The following SHANK2 variants were observed in gnomAD, a reference collection of about 807,000 sequenced individuals.
SHANK2 encodes SH3 and multiple ankyrin repeat domains protein 2.
In SHANK2, 43 loss-of-function variants were observed where a neutral mutation model predicts 133.7. That is an observed-to-expected ratio of 0.32 (90% CI 0.25 to 0.41). The LOEUF (loss-of-function observed/expected upper bound fraction) is 0.41. Ranked by LOEUF, SHANK2 falls within the 10% of genes least tolerant of loss-of-function variation. The pLI is 1.00. For missense variants in SHANK2, 1,994 were observed against 2,235.8 expected (o/e 0.89, Z 2.18); for synonymous variants, 1,017 against 952.8 (o/e 1.07, Z -1.24).
Position 70,487,316 on chromosome 11 carries a change from C to T in SHANK2, c.2977G>A (p.Gly993Arg). 1 of 1,614,196 alleles carries T rather than the reference C, an allele frequency of 6.2e-7. No homozygotes were observed. Among genetic ancestry groups the T allele is most frequent in the Middle Eastern group, 1.6e-4 (1 of 6,062 alleles). The part of the protein sequence containing the change: ...QMPENPYSEV[G>R]KIASKAVYVP... Reference sequence around the variant, plus strand: ...TAGACGGCTTTGCTGGCGATCTTCCCCACCTCTGAGTATGGGTTTTCTGGC... The same window carrying T: ...TAGACGGCTTTGCTGGCGATCTTCCTCACCTCTGAGTATGGGTTTTCTGGC... The change falls in exon 25 of 26, where the codon GGG (glycine) becomes AGG (arginine). Residue 993 changes from glycine to arginine, a missense_variant. Physicochemically the swap from Gly to Arg is moderately radical, Grantham distance 125. Coordinates refer to ENST00000601538, the MANE Select transcript of SHANK2 (RefSeq NM_012309.5). This position sits in a 1 kb window ranked among gnomAD's most constrained non-coding sequence, Gnocchi z 5.8.
intron 9 of SHANK2, among the ~76,000 whole-genome samples, chr11:71,066,692 C>T (rs1322554686): frequency 2.0e-5 from 3 of 152,146 alleles, no homozygotes; most frequent in Non-Finnish European, 4.4e-5. Flanking sequence ...TCAGGTTAAG[C>T]TATCTTTTGA....
intron 14 of SHANK2, among the ~76,000 whole-genome samples, chr11:70,704,980 C>T (rs1945628012): frequency 6.6e-6 from 1 of 152,190 alleles, no homozygotes; most frequent in Non-Finnish European, 1.5e-5. Flanking sequence ...GCAAGACCCC[C>T]ACCCACCAGC....
At chr11:70,649,816 G>C (rs1337131726) in intron 17 of SHANK2, among the ~76,000 whole-genome samples, 3 of 152,230 alleles carry the variant, frequency 2.0e-5, no homozygotes, top group Non-Finnish European at 4.4e-5. Flanking sequence ...TGGCTGTTAA[G>C]ATTACATCCC....
At chr11:70,723,319 C>CTCTCTCTCT (rs1946108300) in intron 14 of SHANK2, among the ~76,000 whole-genome samples, 1 of 152,008 alleles carries the variant, frequency 6.6e-6, no homozygotes, top group African/African-American at 2.4e-5. Flanking sequence ...CTCTCTCTCT[C>CTCTCTCTCT]TCTCTCTCTC....
intron 14 of SHANK2, among the ~76,000 whole-genome samples, chr11:70,751,315 A>G (rs1409780623): frequency 6.6e-6 from 1 of 152,234 alleles, no homozygotes; most frequent in African/African-American, 2.4e-5. Flanking sequence ...CAGAAGAAAA[A>G]CCACAGGAAT....
intron 14 of SHANK2, among the ~76,000 whole-genome samples, chr11:70,718,571 C>G (rs1946003237): frequency 6.6e-6 from 1 of 152,196 alleles, no homozygotes; most frequent in Non-Finnish European, 1.5e-5. Flanking sequence ...GGGGGCTGAG[C>G]CTCCTTCCAA....
chr11:70,701,388 T>C (rs1429118023), intron 14 of SHANK2, among the ~76,000 whole-genome samples: 1 of 152,114 alleles, frequency 6.6e-6, no homozygotes, highest in African/African-American at 2.4e-5. Context: ...GATATCAAAA[T>C]TGTAAGAAAA....
chr11:70,661,261 C>T (rs1463256082), intron 16 of SHANK2, among the ~76,000 whole-genome samples: 1 of 152,072 alleles, frequency 6.6e-6, no homozygotes, highest in Non-Finnish European at 1.5e-5. Flanking sequence ...AACTAGAACA[C>T]AAAATACTGA....
chr11:70,823,836 G>A (rs1948595274), intron 11 of SHANK2, among the ~76,000 whole-genome samples: 1 of 151,316 alleles, frequency 6.6e-6, no homozygotes, highest in Middle Eastern at 3.4e-3. Flanking sequence ...GGACAGAGGT[G>A]GCGTTGACAG....
intron 12 of SHANK2, among the ~76,000 whole-genome samples, chr11:70,810,360 C>T (rs569325266): frequency 2.7e-4 from 41 of 151,664 alleles, no homozygotes; most frequent in Non-Finnish European, 3.7e-4. Context: ...GGCACAGGAC[C>T]GAGAGCTGGG....
intron 11 of SHANK2, among the ~76,000 whole-genome samples, chr11:70,834,690 A>C (rs1555059540): frequency 6.6e-6 from 1 of 152,230 alleles, no homozygotes; most frequent in African/African-American, 2.4e-5. Context: ...TAAATAACAC[A>C]AGATATAAAA....
At chr11:70,667,175 G>A (rs1326118723) in intron 15 of SHANK2, among the ~76,000 whole-genome samples, 1 of 152,142 alleles carries the variant, frequency 6.6e-6, no homozygotes, top group Admixed American at 6.5e-5. Context: ...AACAAAGATG[G>A]GGTCTAGGCT....
intron 9 of SHANK2, among the ~76,000 whole-genome samples, chr11:71,073,147 C>CTTTCTTTTTTTTTTTTTTTTTTTTT (rs1951166746): frequency 1.6e-5 from 1 of 62,716 alleles, no homozygotes; most frequent in African/African-American, 4.2e-5. Context: ...TTTTTCTTTT[C>CTTTCTTTTTTTTTTTTTTTTTTTTT]TTTTTTTTCT....
At chr11:71,168,305 A>G (rs1439941848) in intron 2 of SHANK2, among the ~76,000 whole-genome samples, 5 of 82,284 alleles carry the variant, frequency 6.1e-5, no homozygotes, top group African/African-American at 1.1e-4. Context: ...CCTAGATGGG[A>G]TGGCGGCCGG....
At chr11:70,552,084 A>G (rs1232330630) in intron 17 of SHANK2, among the ~76,000 whole-genome samples, 1 of 152,242 alleles carries the variant, frequency 6.6e-6, no homozygotes, top group African/African-American at 2.4e-5. Context: ...CACGTTTACC[A>G]GTGACAATGC....
At chr11:70,622,447 C>T (rs2060842256) in intron 17 of SHANK2, among the ~76,000 whole-genome samples, 1 of 152,124 alleles carries the variant, frequency 6.6e-6, no homozygotes, top group Non-Finnish European at 1.5e-5. Context: ...GCTTTTGTTA[C>T]AAAGCAACAC....
intron 15 of SHANK2, among the ~76,000 whole-genome samples, chr11:70,676,502 A>G (rs1555017229): frequency 6.6e-6 from 1 of 152,162 alleles, no homozygotes; most frequent in Non-Finnish European, 1.5e-5. Context: ...CATGAGGGAG[A>G]GGCCAAGAGG....
At chr11:70,635,353 T>C (rs1555003557) in intron 17 of SHANK2, 1 of 152,076 alleles carries the variant, frequency 6.6e-6, no homozygotes, top group African/African-American at 2.4e-5. Flanking sequence ...GGTGTTTCCG[T>C]AGAGTTGGGA....
intron 17 of SHANK2, among the ~76,000 whole-genome samples, chr11:70,657,161 G>A (rs1241840434): frequency 6.6e-6 from 1 of 152,172 alleles, no homozygotes; most frequent in Non-Finnish European, 1.5e-5. Flanking sequence ...AGAGAGAAAG[G>A]AAGGCTTGCC....
Sources: allele counts gnomAD v4.1 joint callset (sites outside exome capture counted in the v4.1 genomes callset), GRCh38; gene constraint gnomAD v4.1.1; non-coding constraint Gnocchi (gnomAD v3.1); transcripts MANE v1.5; gene names NCBI Gene and HGNC (gene_info 2026-07-23, HGNC 2026-07-21).